The following PDE8B variants were observed in gnomAD, a reference collection of about 807,000 sequenced individuals.
PDE8B encodes high affinity cAMP-specific and IBMX-insensitive 3',5'-cyclic phosphodiesterase 8B.
Under a neutral mutation model 101.3 loss-of-function variants are expected in PDE8B, and 26 were observed. The observed-to-expected ratio is 0.26, with a 90% CI of 0.19 to 0.36. PDE8B has a LOEUF of 0.36. Among genes scored for constraint, PDE8B ranks in the 10% least tolerant of loss-of-function variants. The pLI, the probability that PDE8B is intolerant of heterozygous loss-of-function variation, is 1.00. For missense variants in PDE8B, 810 were observed against 1,163.1 expected (o/e 0.70, Z 4.42); for synonymous variants, 424 against 429.3 (o/e 0.99, Z 0.15).
intron 10 of PDE8B, among the ~76,000 whole-genome samples, chr5:77,390,395 C>G (rs981016635): frequency 5.3e-5 from 8 of 152,196 alleles, no homozygotes; most frequent in African/African-American, 1.9e-4. Flanking sequence ...CGAGCTCTGG[C>G]AAAGAGCTTC....
intron 5 of PDE8B, 84 bp downstream of exon 5, chr5:77,331,543 C>T (rs969501659): frequency 7.3e-5 from 77 of 1,056,728 alleles, no homozygotes; most frequent in East Asian, 3.8e-4. Context: ...AAAGCTGCCA[C>T]GGAGAACTGT....
At chr5:77,356,705 C>T (rs559093747) in intron 10 of PDE8B, among the ~76,000 whole-genome samples, 2 of 152,320 alleles carry the variant, frequency 1.3e-5, no homozygotes, top group East Asian at 3.9e-4. Context: ...GCTGGGATTA[C>T]AGGTGTGAGC....
At chr5:77,267,786 A>G (rs918371368) in intron 1 of PDE8B, among the ~76,000 whole-genome samples, 1 of 152,214 alleles carries the variant, frequency 6.6e-6, no homozygotes, top group Non-Finnish European at 1.5e-5. Flanking sequence ...TCATAAGGTT[A>G]TGGTATGCGA....
At chr5:77,105,534 C>T in the PDE8B span, 1 of 152,250 alleles carries the variant, frequency 6.6e-6, no homozygotes, top group South Asian at 2.1e-4. Context: ...TTTCAACTTA[C>T]GATGGCTTTA....
chr5:77,163,711 C>A, the PDE8B span, among the ~76,000 whole-genome samples: 5 of 152,226 alleles, frequency 3.3e-5, no homozygotes, highest in Non-Finnish European at 7.3e-5. Context: ...TTTTCATAGT[C>A]TCTGCCCAAT....
chr5:77,365,852 G>A (rs1341876562), intron 10 of PDE8B, among the ~76,000 whole-genome samples: 1 of 152,220 alleles, frequency 6.6e-6, no homozygotes, highest in Non-Finnish European at 1.5e-5. Context: ...CTGGTGCACA[G>A]GAGGTGCTTC....
intron 1 of PDE8B, among the ~76,000 whole-genome samples, chr5:77,212,041 AT>A (rs556861092): frequency 2.2e-4 from 33 of 152,326 alleles, no homozygotes; most frequent in Admixed American, 1.0e-3. Flanking sequence ...AATTGTTTAG[AT>A]GGTTAAAGCA....
intron 1 of PDE8B, among the ~76,000 whole-genome samples, chr5:77,245,854 C>T (rs867930193): frequency 1.3e-5 from 1 of 77,086 alleles, no homozygotes; most frequent in Non-Finnish European, 2.3e-5. Flanking sequence ...CCCCCGCCCC[C>T]CCCCCCCAAC....
intron 10 of PDE8B, among the ~76,000 whole-genome samples, chr5:77,393,616 A>C (rs912423214): frequency 2.6e-5 from 4 of 152,186 alleles, no homozygotes; most frequent in Non-Finnish European, 5.9e-5. Flanking sequence ...TATTTGCTTA[A>C]AGTGTAGCAA....
intron 5 of PDE8B, among the ~76,000 whole-genome samples, chr5:77,332,990 A>ATATG (rs1471796140): frequency 6.6e-6 from 1 of 151,258 alleles, no homozygotes; most frequent in African/African-American, 2.4e-5. Flanking sequence ...AAAAATATAT[A>ATATG]TATATATTCC....
chr5:77,254,676 A>G (rs1280807210), intron 1 of PDE8B, among the ~76,000 whole-genome samples: 1 of 152,232 alleles, frequency 6.6e-6, no homozygotes, highest in East Asian at 1.9e-4. Flanking sequence ...TTGAAATGAA[A>G]AGAATCATAA....
chr5:77,183,983 A>ATTTTT, the PDE8B span, among the ~76,000 whole-genome samples: 1 of 143,238 alleles, frequency 7.0e-6, no homozygotes, highest in African/African-American at 3.0e-5. Context: ...TTTTTTTTAA[A>ATTTTT]AAAAAACAGA....
the PDE8B span, among the ~76,000 whole-genome samples, chr5:77,094,069 G>A: frequency 6.6e-6 from 1 of 152,120 alleles, no homozygotes; most frequent in Admixed American, 6.6e-5. Context: ...TGTCAGCTGG[G>A]CTATGTTACC....
At chr5:77,247,718 G>T (rs1757255839) in intron 1 of PDE8B, among the ~76,000 whole-genome samples, 1 of 152,226 alleles carries the variant, frequency 6.6e-6, no homozygotes, top group East Asian at 1.9e-4. Flanking sequence ...TGTATCTAGG[G>T]CTAAATGTGT....
the PDE8B span, among the ~76,000 whole-genome samples, chr5:77,097,711 A>ATCTATATC: frequency 1.7e-4 from 6 of 35,396 alleles, no homozygotes; most frequent in Admixed American, 5.1e-4. Context: ...ATATATCTAT[A>ATCTATATC]TATATATATA....
At chr5:77,235,936 G>A (rs1371720746) in intron 1 of PDE8B, among the ~76,000 whole-genome samples, 2 of 152,028 alleles carry the variant, frequency 1.3e-5, no homozygotes, top group Non-Finnish European at 2.9e-5. Flanking sequence ...CCATTTAAAA[G>A]ATGAGGAAAC....
At position 77,252,147 on chromosome 5, in the gene PDE8B, A is replaced by T. The variant is rs187110078; in HGVS notation, c.339+40883A>T. 3.3e-3 allele frequency among the ~76,000 whole-genome samples: 505 copies of T among 151,946 alleles called. 11 individuals carry two copies. The highest frequency in any genetic ancestry group is 1.2e-3 in the South Asian group (6 of 4,804). On this transcript the variant is annotated intron_variant, in intron 1 of 21. Coordinates refer to ENST00000264917, the MANE Select transcript of PDE8B (RefSeq NM_003719.5). ...TGCAAGGCTTGAGGTGTCCTAGATG[A>T]CTCGTTGCTGCAAGGCAGGCTGACA...
chr5:77,396,406 AAAT>A (rs1460298830), intron 10 of PDE8B, among the ~76,000 whole-genome samples: 1 of 152,214 alleles, frequency 6.6e-6, no homozygotes, highest in Non-Finnish European at 1.5e-5. Flanking sequence ...CTTTTATAGA[AAAT>A]AACCAAGGTA....
At chr5:77,140,931 T>C in the PDE8B span, 1 of 152,170 alleles carries the variant, frequency 6.6e-6, no homozygotes, top group South Asian at 2.1e-4. Flanking sequence ...TACACATACA[T>C]GTATGTGTGT....
Sources: gnomAD v4.1 joint callset for allele counts (sites outside exome capture counted in the v4.1 genomes callset) on GRCh38, gnomAD v4.1.1 for gene constraint, MANE v1.5 for transcripts, NCBI Gene and HGNC (gene_info 2026-07-23, HGNC 2026-07-21) for gene names.